AATF: variants seen among roughly 807,000 people sequenced by gnomAD.
AATF encodes the protein apoptosis antagonizing transcription factor, also known as protein AATF.
In AATF, 48 loss-of-function variants were observed where a neutral mutation model predicts 63.7. That is an observed-to-expected ratio of 0.75 (90% CI 0.60 to 0.96). AATF has a LOEUF of 0.96. AATF is among the 40% of genes least tolerant of loss of function. The pLI is 0.00. For missense variants in AATF, 639 were observed against 685.7 expected, an observed-to-expected ratio of 0.93 and a Z score of 0.76; for synonymous variants, 258 against 247.7, an observed-to-expected ratio of 1.04 and a Z score of -0.39.
chr17:37,056,490 C>A, intron 11 of AATF, 111 bp from the exon 12 acceptor site: 1 of 1,069,624 alleles, frequency 9.3e-7, no homozygotes, highest in Admixed American at 2.0e-5. Flanking sequence ...AATTACATGG[C>A]TGTGTTTTCA....
intron 8 of AATF, among the ~76,000 whole-genome samples, chr17:37,004,934 G>C (rs770191035): frequency 6.6e-6 from 1 of 152,150 alleles, no homozygotes; most frequent in Admixed American, 6.5e-5. Context: ...TTTTGCCACC[G>C]AAGTACAGGG....
At chr17:36,995,017 T>G (rs1284600498) in intron 8 of AATF, among the ~76,000 whole-genome samples, 1 of 152,224 alleles carries the variant, frequency 6.6e-6, no homozygotes, top group East Asian at 1.9e-4. Flanking sequence ...AACTAGTTTC[T>G]TGTCACTTCA....
intron 8 of AATF, among the ~76,000 whole-genome samples, chr17:37,002,503 TA>T (rs1259129060): frequency 7.0e-6 from 1 of 142,344 alleles, no homozygotes; most frequent in Non-Finnish European, 1.5e-5. Context: ...CTGTCTCTAC[TA>T]AAAATACAAA....
chr17:36,953,723 A>G (rs1425940286), intron 3 of AATF, 47 bp from the exon 4 acceptor site: 1 of 1,590,718 alleles, frequency 6.3e-7, no homozygotes, highest in Non-Finnish European at 8.6e-7. Flanking sequence ...CCTCACCCCC[A>G]GAATATTTTA....
At chr17:36,982,520 A>AT in intron 4 of AATF, among the ~76,000 whole-genome samples, 1 of 151,562 alleles carries the variant, frequency 6.6e-6, no homozygotes, top group Non-Finnish European at 1.5e-5. Context: ...CGCCCAGCTA[A>AT]TTTTTTGTAT....
intron 5 of AATF, among the ~76,000 whole-genome samples, chr17:36,988,197 A>G (rs1035415807): frequency 6.6e-6 from 1 of 152,112 alleles, no homozygotes; most frequent in Non-Finnish European, 1.5e-5. Flanking sequence ...CACACCTGTA[A>G]TCCCAGCTAC....
intron 8 of AATF, among the ~76,000 whole-genome samples, chr17:37,001,526 G>A (rs2071298298): frequency 6.6e-6 from 1 of 150,814 alleles, no homozygotes; most frequent in Non-Finnish European, 1.5e-5. Context: ...AGGAATGCAA[G>A]GTTAGTTTAA....
At chr17:36,985,117 G>A (rs1194510715) in intron 4 of AATF, among the ~76,000 whole-genome samples, 4 of 152,032 alleles carry the variant, frequency 2.6e-5, no homozygotes, top group Non-Finnish European at 5.9e-5. Flanking sequence ...GGCCAGGCTG[G>A]TCTCGATCTC....
At chr17:36,969,108 G>C (rs936010566) in intron 4 of AATF, among the ~76,000 whole-genome samples, 2 of 152,104 alleles carry the variant, frequency 1.3e-5, no homozygotes, top group Non-Finnish European at 2.9e-5. Context: ...AAGTTGATTG[G>C]GAACTTTGTA....
chr17:36,993,861 A>C (rs2071234037), intron 8 of AATF, among the ~76,000 whole-genome samples: 1 of 152,140 alleles, frequency 6.6e-6, no homozygotes, highest in Admixed American at 6.5e-5. Context: ...TGCCCTAACT[A>C]CTGAGAATGA....
chr17:37,029,894 G>A (rs1018691185), intron 10 of AATF, among the ~76,000 whole-genome samples: 1 of 151,746 alleles, frequency 6.6e-6, no homozygotes, highest in Non-Finnish European at 1.5e-5. Context: ...GTAGAGACGG[G>A]GTCTTGCTAT....
intron 11 of AATF, among the ~76,000 whole-genome samples, chr17:37,048,448 G>A (rs1015266676): frequency 7.3e-6 from 1 of 137,628 alleles, no homozygotes; most frequent in African/African-American, 2.8e-5. Context: ...TCGGCTCACT[G>A]CAACCTCCGC....
intron 8 of AATF, among the ~76,000 whole-genome samples, chr17:36,993,017 A>G (rs2071227584): frequency 6.6e-6 from 1 of 152,216 alleles, no homozygotes; most frequent in African/African-American, 2.4e-5. Flanking sequence ...GCTGCCATCC[A>G]TGCACAGTCA....
intron 4 of AATF, among the ~76,000 whole-genome samples, chr17:36,976,307 G>A (rs1254510048): frequency 6.6e-6 from 1 of 152,186 alleles, no homozygotes. Flanking sequence ...TGCAATAATA[G>A]TATCTACCTC....
intron 11 of AATF, among the ~76,000 whole-genome samples, chr17:37,047,584 G>A (rs2071704121): frequency 6.6e-6 from 1 of 152,176 alleles, no homozygotes; most frequent in Non-Finnish European, 1.5e-5. Flanking sequence ...TCTTGAGTCT[G>A]TCTGATCTTT....
chr17:36,995,751 A>G (rs1353593986), intron 8 of AATF, among the ~76,000 whole-genome samples: 1 of 151,636 alleles, frequency 6.6e-6, no homozygotes, highest in Non-Finnish European at 1.5e-5. Context: ...TATTTTTTGT[A>G]GAGACGGGGT....
chr17:36,950,176 C>G (rs776480108), intron 1 of AATF, 38 bp from the exon 2 acceptor site: 5 of 1,599,438 alleles, frequency 3.1e-6, no homozygotes, highest in East Asian at 2.2e-5. Flanking sequence ...TTTCTGCTAA[C>G]CTGGAGATTC....
chr17:36,981,175 T>A (rs1383173155), intron 4 of AATF, among the ~76,000 whole-genome samples: 1 of 152,194 alleles, frequency 6.6e-6, no homozygotes, highest in African/African-American at 2.4e-5. Flanking sequence ...AAAAACTGAC[T>A]TGAACAACAT....
chr17:36,989,490 C>G, intron 7 of AATF, 79 bp downstream of exon 7: 2 of 1,398,818 alleles, frequency 1.4e-6, no homozygotes, highest in Non-Finnish European at 1.9e-6. Flanking sequence ...GTAGCTATTA[C>G]CTGTTTATAT....
Sources: allele counts gnomAD v4.1 joint callset (sites outside exome capture counted in the v4.1 genomes callset), GRCh38; gene constraint gnomAD v4.1.1; transcripts MANE v1.5; gene names NCBI Gene and HGNC (gene_info 2026-07-23, HGNC 2026-07-21).